Variants in PDE8B observed in about 807,000 individuals in gnomAD.
PDE8B encodes the protein phosphodiesterase 8B.
In PDE8B, 26 loss-of-function variants were observed where a neutral mutation model predicts 101.3. The observed-to-expected ratio is 0.26, with a 90% CI of 0.19 to 0.36. The LOEUF (loss-of-function observed/expected upper bound fraction) is 0.36. PDE8B is among the 10% of genes least tolerant of loss of function. The probability of loss-of-function intolerance (pLI) is 1.00; values close to 1 mark genes in which losing one functional copy is unlikely to be tolerated. For missense variants in PDE8B, 810 were observed against 1,163.1 expected (o/e 0.70, Z 4.42); for synonymous variants, 424 against 429.3 (o/e 0.99, Z 0.15).
rs116620566 is a variant in PDE8B at position 77,262,594 on chromosome 5, T to A, written c.340-49400T>A. The stretch of plus-strand genomic sequence containing the variant: ...ATATATTGCATGTCTGCATTTAACA[T>A]TTGTGCACAAAATAAACTTCTTTGA... On this transcript the variant is annotated intron_variant, in intron 1 of 21. Transcript: ENST00000264917. Among the ~76,000 whole-genome samples the A allele has an allele frequency of 4.2e-3, 645 of 152,372 alleles. 3 individuals are homozygous for A. The highest frequency in any genetic ancestry group is 7.4e-3 in the Non-Finnish European group (503 of 68,040).
chr5:77,337,842 G>C lies in PDE8B; in HGVS notation c.797+527G>C, dbSNP rs372395016. On this transcript the variant is annotated intron_variant, in intron 6 of 21. Coordinates refer to ENST00000264917, the MANE Select transcript of PDE8B (RefSeq NM_003719.5). ...CATATAGTGTTTTAAGAGCAGGCTT[G>C]TCATTGGTGCTCAATTCCAGGGATG... Among the ~76,000 whole-genome samples the C allele has an allele frequency of 1.4e-4, 22 of 152,296 alleles. No homozygotes were observed. The East Asian group carries it at 2.1e-3, about 15-fold the overall frequency.
the PDE8B span, among the ~76,000 whole-genome samples, chr5:77,172,845 C>T: frequency 6.6e-6 from 1 of 152,282 alleles, no homozygotes; most frequent in Non-Finnish European, 1.5e-5. Flanking sequence ...AGGACTTTTC[C>T]ACTTGTTTAC....
At chr5:77,271,619 A>G (rs1762823796) in intron 1 of PDE8B, among the ~76,000 whole-genome samples, 1 of 152,204 alleles carries the variant, frequency 6.6e-6, no homozygotes, top group African/African-American at 2.4e-5. Flanking sequence ...AAAATAGGGA[A>G]TAATCAACAG....
chr5:77,273,264 T>C (rs1016807504), intron 1 of PDE8B, among the ~76,000 whole-genome samples: 6 of 152,238 alleles, frequency 3.9e-5, no homozygotes, highest in Non-Finnish European at 8.8e-5. Context: ...TTATAGTTAT[T>C]GACACTTTGC....
intron 1 of PDE8B, among the ~76,000 whole-genome samples, chr5:77,297,173 A>G (rs1473430985): frequency 6.6e-6 from 1 of 152,226 alleles, no homozygotes; most frequent in Non-Finnish European, 1.5e-5. Context: ...TCCTGTGATA[A>G]CTAACCCACT....
rs1433909352 is a variant in PDE8B at position 77,316,485 on chromosome 5, G to A, written c.399+4432G>A. On this transcript the variant is annotated intron_variant, in intron 2 of 21. Transcript: ENST00000264917. Reference sequence around the variant, plus strand: ...CTGACCTCGTGATTTGCCTACCTTGGCCTCCCAAAGTGCTGGGATTACAGG... The same window carrying A: ...CTGACCTCGTGATTTGCCTACCTTGACCTCCCAAAGTGCTGGGATTACAGG... 2.0e-5 allele frequency among the ~76,000 whole-genome samples: 3 copies of A among 152,036 alleles called. No individual in the cohort carries two copies. In the South Asian group the frequency reaches 6.2e-4, roughly 31 times the overall value.
chr5:77,260,460 A>G (rs1460079111), intron 1 of PDE8B, among the ~76,000 whole-genome samples: 1 of 152,224 alleles, frequency 6.6e-6, no homozygotes, highest in Non-Finnish European at 1.5e-5. Flanking sequence ...GTCAAATTTA[A>G]TGATTTGATC....
At chr5:77,254,976 C>G (rs557908046) in intron 1 of PDE8B, among the ~76,000 whole-genome samples, 1 of 152,288 alleles carries the variant, frequency 6.6e-6, no homozygotes, top group East Asian at 1.9e-4. Context: ...TCTAGAGAAT[C>G]TTTCGTTTCT....
chr5:77,111,259 G>A, the PDE8B span, among the ~76,000 whole-genome samples: 1 of 152,212 alleles, frequency 6.6e-6, no homozygotes, highest in African/African-American at 2.4e-5. Flanking sequence ...TCACAGATTG[G>A]GGATTATTCA....
chr5:77,136,235 GTTTA>G, the PDE8B span, among the ~76,000 whole-genome samples: 3 of 152,098 alleles, frequency 2.0e-5, no homozygotes, highest in East Asian at 5.8e-4. Flanking sequence ...TCTTTGAAGT[GTTTA>G]TTTATTCCCT....
the PDE8B span, among the ~76,000 whole-genome samples, chr5:77,164,795 C>G: frequency 2.0e-5 from 3 of 152,116 alleles, no homozygotes; most frequent in Admixed American, 6.5e-5. Flanking sequence ...GGAAGGGACA[C>G]AGCAGGAGTG....
At chr5:77,213,838 A>G (rs769867426) in intron 1 of PDE8B, 2 of 152,268 alleles carry the variant, frequency 1.3e-5, no homozygotes, top group South Asian at 2.1e-4. Context: ...GCAATAATTC[A>G]TCTCATTAAG....
At chr5:77,242,717 G>C (rs1756016812) in intron 1 of PDE8B, among the ~76,000 whole-genome samples, 1 of 152,070 alleles carries the variant, frequency 6.6e-6, no homozygotes, top group South Asian at 2.1e-4. Context: ...TGTCGCCCAG[G>C]CTGGAGTGCA....
At chr5:77,365,682 G>C (rs1285498160) in intron 10 of PDE8B, among the ~76,000 whole-genome samples, 1 of 152,224 alleles carries the variant, frequency 6.6e-6, no homozygotes, top group East Asian at 1.9e-4. Flanking sequence ...CTTTGTCAGG[G>C]CCAGGGAGCT....
At chr5:77,198,778 C>T in the PDE8B span, among the ~76,000 whole-genome samples, 2 of 152,094 alleles carry the variant, frequency 1.3e-5, no homozygotes, top group Non-Finnish European at 2.9e-5. Context: ...TATTCATGAT[C>T]CTATCCAAAA....
chr5:77,314,592 G>A (rs558907522), intron 2 of PDE8B, among the ~76,000 whole-genome samples: 1 of 152,010 alleles, frequency 6.6e-6, no homozygotes, highest in South Asian at 2.1e-4. Context: ...TTAGTTTTTT[G>A]TGAATATAGA....
At chr5:77,313,564 T>A (rs1773151742) in intron 2 of PDE8B, among the ~76,000 whole-genome samples, 1 of 152,224 alleles carries the variant, frequency 6.6e-6, no homozygotes, top group Non-Finnish European at 1.5e-5. Flanking sequence ...TCAATTTCAT[T>A]TACCTTCATT....
chr5:77,402,899 C>T (rs952957090), intron 11 of PDE8B, among the ~76,000 whole-genome samples: 3 of 152,212 alleles, frequency 2.0e-5, no homozygotes, highest in African/African-American at 7.2e-5. Flanking sequence ...CTTCTTGCAC[C>T]TGCTGTCACT....
chr5:77,210,641 G>A, upstream of PDE8B: 1 of 982,370 alleles, frequency 1.0e-6, no homozygotes, highest in Non-Finnish European at 1.2e-6. The surrounding 1 kb of genome is among the most constrained non-coding windows in gnomAD (Gnocchi z 4.9). Flanking sequence ...GGGGCGCCGC[G>A]GCGGGGAGGG....
Sources: gnomAD v4.1 joint callset for allele counts (sites outside exome capture counted in the v4.1 genomes callset) on GRCh38, gnomAD v4.1.1 for gene constraint, Gnocchi (gnomAD v3.1) non-coding constraint, MANE v1.5 for transcripts, NCBI Gene and HGNC (gene_info 2026-07-23, HGNC 2026-07-21) for gene names.